PCLO: variants seen among roughly 807,000 people sequenced by gnomAD.
PCLO encodes the protein protein piccolo.
PCLO carries 82 observed loss-of-function variants against 427.5 expected under a neutral mutation model. The observed-to-expected ratio is 0.19, with a 90% CI of 0.16 to 0.23. The LOEUF (loss-of-function observed/expected upper bound fraction) is 0.23. Ranked by LOEUF, PCLO falls within the 10% of genes least tolerant of loss-of-function variation. PCLO has a pLI of 1.00. For missense variants in PCLO, 6,239 were observed against 6,115.9 expected, an observed-to-expected ratio of 1.02 and a Z score of -0.67; for synonymous variants, 2,357 against 2,155.4, an observed-to-expected ratio of 1.09 and a Z score of -2.59.
intron 13 of PCLO, among the ~76,000 whole-genome samples, chr7:82,843,545 AT>A (rs1363198995): frequency 6.6e-6 from 1 of 152,044 alleles, no homozygotes; most frequent in Non-Finnish European, 1.5e-5. Context: ...TTTAAAAAAA[AT>A]TTTTTTAAGC....
intron 3 of PCLO, among the ~76,000 whole-genome samples, chr7:83,122,032 A>G (rs1791293703): frequency 6.6e-6 from 1 of 152,226 alleles, no homozygotes; most frequent in Admixed American, 6.5e-5. Flanking sequence ...GTGATACATC[A>G]TATCAACAGA....
rs1349562467 is a variant in PCLO, at chr7:82,755,454, T to A, written c.*3121A>T. 1.3e-5 allele frequency: 2 copies of A among 152,108 alleles called. No individual in the cohort carries two copies. The highest frequency in any genetic ancestry group is 4.8e-5 in the African/African-American group (2 of 41,436). 9.4% of individuals were successfully genotyped at this position (152,108 alleles called of 1,614,324 possible). On this transcript the variant is annotated 3_prime_UTR_variant, in exon 25 of 25. Transcript: ENST00000333891. ...TGTAATGACTATTCTATATTCCCTG[T>A]CTTTTGTAAAAAATTCACTCTGTGC...
intron 9 of PCLO, among the ~76,000 whole-genome samples, chr7:82,893,018 T>A (rs1793809334): frequency 6.6e-6 from 1 of 152,188 alleles, no homozygotes; most frequent in Non-Finnish European, 1.5e-5. Flanking sequence ...AGTGTGGTGA[T>A]TCCTCAGGGA....
At chr7:83,014,126 G>A (rs1012796147) in intron 3 of PCLO, among the ~76,000 whole-genome samples, 3 of 152,098 alleles carry the variant, frequency 2.0e-5, no homozygotes, top group African/African-American at 7.2e-5. Flanking sequence ...AAAAGATACT[G>A]TATGTATCTT....
intron 2 of PCLO, among the ~76,000 whole-genome samples, chr7:83,153,782 T>C (rs1792197373): frequency 6.6e-6 from 1 of 152,176 alleles, no homozygotes; most frequent in Non-Finnish European, 1.5e-5. Context: ...AGTCTGACTC[T>C]AACCTATCTC....
rs1001608095 is a variant in PCLO at position 82,985,901 on chromosome 7, T to C, written c.3301-19414A>G. On this transcript the variant is annotated intron_variant, in intron 3 of 24. Transcript: ENST00000333891. The stretch of plus-strand genomic sequence containing the variant: ...AGTCTCATGCATACTTTTTCGATTT[T>C]TGTAAATCTGAATAAATCTATTATT... Among the ~76,000 whole-genome samples, 4 of 151,978 alleles carry C rather than the reference T, an allele frequency of 2.6e-5. No individual in the cohort carries two copies. The South Asian group carries it at 6.2e-4, about 24-fold the overall frequency.
At position 82,949,640 on chromosome 7, in the gene PCLO, C is replaced by G. The variant is rs1244180060; in HGVS notation, c.10948G>C (p.Asp3650His). 7 of 1,613,834 alleles carry G rather than the reference C, an allele frequency of 4.3e-6. No homozygotes were observed. The highest frequency in any genetic ancestry group is 5.1e-6 in the Non-Finnish European group (6 of 1,179,846). Residue 3650 changes from aspartate (D) to histidine (H), a missense_variant, in exon 6 of 25, where the codon GAT (aspartate) becomes CAT (histidine). Asp to His is a moderately conservative substitution (Grantham distance 81). This residue lies in a region of PCLO where 4,677 missense variants were observed against 4,468.4 expected (regional missense o/e 1.05). Coordinates refer to ENST00000333891, the MANE Select transcript of PCLO (RefSeq NM_033026.6). ...TGCAGTACTTTCTGTGGACTTATAT[C>G]ATCAGGGAGGGGTTTTTCATAAGGT... ...FVPYEKPLPD[D>H]ISPQKVLHPD...
chr7:83,063,828 T>C lies in PCLO; in HGVS notation c.3300+70422A>G, dbSNP rs1008496291. Among the ~76,000 whole-genome samples the C allele has an allele frequency of 7.2e-5, 11 of 152,234 alleles. No homozygotes were observed. The East Asian group carries it at 2.1e-3, about 29-fold the overall frequency. On this transcript the variant is annotated intron_variant, in intron 3 of 24. Coordinates refer to ENST00000333891, the MANE Select transcript of PCLO (RefSeq NM_033026.6). ...AAGTTCTGTCCCTACCTTGAGGTTG[T>C]CTCAGGCCACAGGTTATTGTGATGT...
At position 82,999,496 on chromosome 7, in the gene PCLO, TATA is replaced by T. The variant is rs1315661037; in HGVS notation, c.3301-33012_3301-33010del. On this transcript the variant is annotated intron_variant, in intron 3 of 24. Transcript: ENST00000333891. ...ATCCATTATTATAAAATATAATATATATAATATTATATTAAAATATAAAATATA... is the reference window on the plus strand; with the variant it reads ...ATCCATTATTATAAAATATAATATATATATTATATTAAAATATAAAATATA... 4.4e-5 allele frequency among the ~76,000 whole-genome samples: 3 copies of T among 68,606 alleles called. 1 individual carries two copies. Among genetic ancestry groups the T allele is most frequent in the African/African-American group, 5.2e-5 (1 of 19,404 alleles). 45.0% of individuals were successfully genotyped at this position (68,606 alleles called of 152,430 possible). A position where few individuals can be genotyped will look rare whatever the true frequency, so the allele number is the denominator to read the frequency against.
intron 6 of PCLO, among the ~76,000 whole-genome samples, chr7:82,936,672 G>T (rs1403984613): frequency 1.3e-5 from 2 of 151,536 alleles, no homozygotes; most frequent in Admixed American, 6.6e-5. Flanking sequence ...CTATTCCTAG[G>T]CATATACCCT....
rs1951664348 is a variant in PCLO, at chr7:82,955,477, G to A, written c.5476C>T (p.Pro1826Ser). Reference protein sequence around the residue: ...AQRRRERPKTPPSNLSPIEDA... With the variant: ...AQRRRERPKTSPSNLSPIEDA... ...TCAATGGGAGAGAGATTACTAGGTG[G>A]TGTCTTTGGCCTTTCCCTTCTTCTC... The change falls in exon 5 of 25, where the codon CCA (proline) becomes TCA (serine). Residue 1826 changes from proline (P) to serine (S), a missense_variant. By Grantham distance (74) the Pro-to-Ser change is moderately conservative. This residue lies in a region of PCLO where 4,677 missense variants were observed against 4,468.4 expected (regional missense o/e 1.05). Coordinates refer to ENST00000333891, the MANE Select transcript of PCLO (RefSeq NM_033026.6). 3 of 1,613,710 alleles carry A rather than the reference G, an allele frequency of 1.9e-6. No homozygotes were observed. In the Admixed American group the frequency reaches 5.0e-5, roughly 27 times the overall value.
At chr7:83,125,056 C>T (rs1194206502) in intron 3 of PCLO, among the ~76,000 whole-genome samples, 9 of 152,186 alleles carry the variant, frequency 5.9e-5, no homozygotes, top group Admixed American at 5.9e-4. Flanking sequence ...TTACTCAGTG[C>T]TCAATGTTGC....
intron 3 of PCLO, among the ~76,000 whole-genome samples, chr7:83,035,485 A>T (rs1251206175): frequency 6.6e-6 from 1 of 152,172 alleles, no homozygotes; most frequent in Non-Finnish European, 1.5e-5. Flanking sequence ...TTTTAACCTA[A>T]TAAAAAAAAG....
chr7:83,094,511 G>A (rs1366119817), intron 3 of PCLO, among the ~76,000 whole-genome samples: 1 of 152,014 alleles, frequency 6.6e-6, no homozygotes, highest in Non-Finnish European at 1.5e-5. Flanking sequence ...CTGGCCTAGG[G>A]AATGACTTTC....
chr7:83,155,646 G>A lies in PCLO; in HGVS notation c.995C>T (p.Pro332Leu). ...EKSQPGPAKP[P>L]AQPSGLTKPL... ...CTTTGTTAGCCCTGAGGGCTGAGCT[G>A]GGGGCTTTGCAGGCCCAGGCTGTGA... The change falls in exon 2 of 25, where the codon CCA (proline) becomes CTA (leucine). Residue 332 changes from proline to leucine, a missense_variant. Physicochemically the swap from Pro to Leu is moderately conservative, Grantham distance 98. This residue lies in a region of PCLO where 4,677 missense variants were observed against 4,468.4 expected (regional missense o/e 1.05). Transcript: ENST00000333891. The A allele has an allele frequency of 6.2e-7, 1 of 1,613,200 alleles. No individual in the cohort carries two copies. The highest frequency in any genetic ancestry group is 8.5e-7 in the Non-Finnish European group (1 of 1,179,696).
intron 21 of PCLO, 105 bp from the exon 22 acceptor site, chr7:82,801,696 T>C: frequency 1.5e-6 from 1 of 668,324 alleles, no homozygotes. Flanking sequence ...TGGCAAAACC[T>C]GCAATTACTT....
rs146130384 is a variant in PCLO at position 83,084,439 on chromosome 7, T to G, written c.3300+49811A>C. 5.3e-3 allele frequency among the ~76,000 whole-genome samples: 805 copies of G among 152,238 alleles called. 9 individuals carry two copies. The highest frequency in any genetic ancestry group is 0.018 in the African/African-American group (762 of 41,550). ...CTTTACATTTAATATTAATTTTAAT[T>G]GAAATCCCAGCTTAAAAGCACCATG... On this transcript the variant is annotated intron_variant, in intron 3 of 24. Coordinates refer to ENST00000333891, the MANE Select transcript of PCLO (RefSeq NM_033026.6).
intron 23 of PCLO, 99 bp downstream of exon 23, chr7:82,761,260 T>G: frequency 1.6e-6 from 1 of 634,660 alleles, no homozygotes; most frequent in Middle Eastern, 4.3e-4. Flanking sequence ...CTGACATATT[T>G]GGTGTACAGT....
chr7:83,033,736 T>G (rs116939573), intron 3 of PCLO, among the ~76,000 whole-genome samples: 86 of 152,340 alleles, frequency 5.6e-4, no homozygotes, highest in Non-Finnish European at 9.0e-4. Context: ...TATATTAGTT[T>G]GTACTACTTG....
Sources: gnomAD v4.1 joint callset for allele counts (sites outside exome capture counted in the v4.1 genomes callset) on GRCh38, gnomAD v4.1.1 for gene constraint, gnomAD v4.1.1 regional missense constraint, MANE v1.5 for transcripts, NCBI Gene and HGNC (gene_info 2026-07-23, HGNC 2026-07-21) for gene names.